The following TSPAN9 variants were observed in gnomAD, a reference collection of about 807,000 sequenced individuals.
The protein encoded by TSPAN9 is tetraspanin 9, also known as tetraspanin-9.
Under a neutral mutation model 31.0 loss-of-function variants are expected in TSPAN9, and 16 were observed. The ratio of observed to expected loss-of-function variants is 0.52; its 90% CI spans 0.35 to 0.78. TSPAN9 has a LOEUF of 0.78. Ranked by LOEUF, TSPAN9 falls within the 30% of genes least tolerant of loss-of-function variation. The pLI is 0.01. For missense variants in TSPAN9, 272 were observed against 312.5 expected (o/e 0.87, Z 0.98); for synonymous variants, 145 against 121.6 (o/e 1.19, Z -1.27).
At chr12:3,257,716 C>G (rs1862374695) in intron 3 of TSPAN9, among the ~76,000 whole-genome samples, 1 of 129,432 alleles carries the variant, frequency 7.7e-6, no homozygotes, top group Admixed American at 9.4e-5. Context: ...TTTCTACCTA[C>G]TGTGATGGTT....
intron 2 of TSPAN9, among the ~76,000 whole-genome samples, chr12:3,167,918 G>A (rs1182403867): frequency 6.6e-6 from 1 of 152,198 alleles, no homozygotes; most frequent in Admixed American, 6.5e-5. Flanking sequence ...ACCCTCCTGG[G>A]CCCATCCCAC....
intron 2 of TSPAN9, among the ~76,000 whole-genome samples, chr12:3,136,707 T>C (rs2098332305): frequency 6.6e-6 from 1 of 152,130 alleles, no homozygotes; most frequent in African/African-American, 2.4e-5. Flanking sequence ...CATGTTCAGG[T>C]GCCCGTGGGA....
At chr12:3,115,066 G>GC (rs1183039020) in intron 2 of TSPAN9, among the ~76,000 whole-genome samples, 1 of 149,366 alleles carries the variant, frequency 6.7e-6, no homozygotes, top group Non-Finnish European at 1.5e-5. Flanking sequence ...TCACTCCCAT[G>GC]CCCCCCTTCC....
chr12:3,123,151 C>T (rs2098325877), intron 2 of TSPAN9, among the ~76,000 whole-genome samples: 1 of 152,176 alleles, frequency 6.6e-6, no homozygotes, highest in African/African-American at 2.4e-5. Context: ...TGACTCAACT[C>T]CAGCCCCGTC....
At chr12:3,234,315 G>A (rs1170545727) in intron 3 of TSPAN9, among the ~76,000 whole-genome samples, 7 of 152,158 alleles carry the variant, frequency 4.6e-5, no homozygotes, top group Non-Finnish European at 1.5e-5. Flanking sequence ...TCACATGCAG[G>A]CGTCTTACCT....
chr12:3,201,899 G>T (rs2098372102), intron 3 of TSPAN9, among the ~76,000 whole-genome samples: 1 of 152,192 alleles, frequency 6.6e-6, no homozygotes, highest in South Asian at 2.1e-4. Context: ...GCCATCGGGT[G>T]GCTGGCTGCT....
rs3782824 is a variant in TSPAN9 at position 3,205,825 on chromosome 12, G to T, written c.63+4569G>T. Among the ~76,000 whole-genome samples, 7 of 152,044 alleles carry T rather than the reference G, an allele frequency of 4.6e-5. 1 individual carries two copies. Among genetic ancestry groups the T allele is most frequent in the Admixed American group, 3.3e-4 (5 of 15,262 alleles). ...GTCAGGCTGGCCTCTGCTGGGGGAA[G>T]GGGGACAGGTGCGGGGCCTGGCAGA... On this transcript the variant is annotated intron_variant, in intron 3 of 8. Coordinates refer to ENST00000011898, the MANE Select transcript of TSPAN9 (RefSeq NM_006675.5).
chr12:3,249,412 C>T (rs1289969568), intron 3 of TSPAN9, among the ~76,000 whole-genome samples: 2 of 152,192 alleles, frequency 1.3e-5, no homozygotes, highest in Non-Finnish European at 2.9e-5. Context: ...ACCAGCCCTC[C>T]CCCTTTTCCT....
rs565826290 is a variant in TSPAN9 at position 3,096,124 on chromosome 12, C to T, written c.-18+12405C>T. 4.2e-3 allele frequency among the ~76,000 whole-genome samples: 634 copies of T among 152,270 alleles called. 6 individuals are homozygous for T. The highest frequency in any genetic ancestry group is 6.8e-3 in the Middle Eastern group (2 of 292). On this transcript the variant is annotated intron_variant, in intron 2 of 8. Coordinates refer to ENST00000011898, the MANE Select transcript of TSPAN9 (RefSeq NM_006675.5). ...CTCCATCCTCCCGGCGGTCGGGCGG[C>T]GGCGGCTGCCGCTTGTGTAGTTTTA...
intron 2 of TSPAN9, chr12:3,200,720 C>G (rs2098371053): frequency 6.5e-6 from 1 of 152,794 alleles, no homozygotes; most frequent in African/African-American, 2.4e-5. Context: ...CTCCCGGGGC[C>G]GCCGGCCAGA....
chr12:3,177,225 C>T (rs893439989), intron 2 of TSPAN9, among the ~76,000 whole-genome samples: 7 of 151,776 alleles, frequency 4.6e-5, no homozygotes, highest in Non-Finnish European at 1.0e-4. Context: ...GCCAGCTCCA[C>T]CTCCTGGGTT....
At chr12:3,111,729 T>G (rs1444438688) in intron 2 of TSPAN9, among the ~76,000 whole-genome samples, 1 of 151,532 alleles carries the variant, frequency 6.6e-6, no homozygotes, top group Non-Finnish European at 1.5e-5. Flanking sequence ...TTCTTGTGCC[T>G]CAGCCTCCTG....
At chr12:3,233,270 T>G (rs11062586) in intron 3 of TSPAN9, among the ~76,000 whole-genome samples, 1,534 of 152,332 alleles carry the variant, frequency 0.01, 23 homozygotes, top group African/African-American at 0.033. Context: ...TTAAGTGGTA[T>G]TTGATAAATA....
chr12:3,109,214 G>A (rs1215035603), intron 2 of TSPAN9, among the ~76,000 whole-genome samples: 1 of 151,388 alleles, frequency 6.6e-6, no homozygotes, highest in Admixed American at 6.6e-5. Flanking sequence ...GGGATTACAG[G>A]TGTGAGCCAC....
chr12:3,281,899 G>C, intron 8 of TSPAN9, 82 bp downstream of exon 8: 1 of 1,471,214 alleles, frequency 6.8e-7, no homozygotes, highest in South Asian at 1.2e-5. Flanking sequence ...AGTGAAAGCA[G>C]TGTTGGTACA....
At chr12:3,140,989 G>A (rs1418158886) in intron 2 of TSPAN9, among the ~76,000 whole-genome samples, 3 of 151,840 alleles carry the variant, frequency 2.0e-5, no homozygotes, top group Non-Finnish European at 4.4e-5. Context: ...GAAGGGCTGT[G>A]GGAAGTGTTG....
chr12:3,183,342 CCG>C (rs1225688374), intron 2 of TSPAN9, among the ~76,000 whole-genome samples: 1 of 152,214 alleles, frequency 6.6e-6, no homozygotes, highest in African/African-American at 2.4e-5. Flanking sequence ...AGGATTTTCT[CCG>C]CAGCTGGCGT....
At chr12:3,145,125 G>A (rs2098336553) in intron 2 of TSPAN9, among the ~76,000 whole-genome samples, 1 of 152,180 alleles carries the variant, frequency 6.6e-6, no homozygotes. Flanking sequence ...TGAGCACACA[G>A]TGCGTGCAGC....
intron 2 of TSPAN9, among the ~76,000 whole-genome samples, chr12:3,115,337 T>G (rs1275577434): frequency 1.3e-5 from 2 of 152,250 alleles, no homozygotes; most frequent in African/African-American, 2.4e-5. Context: ...CGTCATTGAC[T>G]GACTTGTGAG....
Sources: allele counts gnomAD v4.1 joint callset (sites outside exome capture counted in the v4.1 genomes callset), GRCh38; gene constraint gnomAD v4.1.1; transcripts MANE v1.5; gene names NCBI Gene and HGNC (gene_info 2026-07-23, HGNC 2026-07-21).